The following CCDC39 variants were observed in gnomAD, a reference collection of about 807,000 sequenced individuals.
CCDC39 encodes the protein coiled-coil domain 39 molecular ruler complex subunit.
CCDC39 carries 113 observed loss-of-function variants against 121.0 expected under a neutral mutation model. The observed-to-expected ratio is 0.93, with a 90% CI of 0.80 to 1.09. The LOEUF (loss-of-function observed/expected upper bound fraction) is 1.09, where lower values mean the gene tolerates loss of function less well. Ranked by LOEUF, CCDC39 falls within the 50% of genes least tolerant of loss-of-function variation. CCDC39 has a pLI of 0.00. For synonymous variants in CCDC39, 349 were observed against 352.2 expected (o/e 0.99, Z 0.10); for missense variants, 1,063 against 1,074.7 (o/e 0.99, Z 0.15).
intron 1 of CCDC39, among the ~76,000 whole-genome samples, chr3:180,673,362 T>C (rs1181273540): frequency 6.6e-6 from 1 of 152,224 alleles, no homozygotes; most frequent in African/African-American, 2.4e-5. Context: ...TTTTTAAAAA[T>C]TGGCACAGCC....
At chr3:180,673,256 T>G (rs543139624) in intron 1 of CCDC39, among the ~76,000 whole-genome samples, 1 of 152,394 alleles carries the variant, frequency 6.6e-6, no homozygotes, top group Non-Finnish European at 1.5e-5. Flanking sequence ...AAAGTTCTAC[T>G]GTGCATACAA....
chr3:180,641,879 G>C, intron 13 of CCDC39, 114 bp downstream of exon 13: 3 of 628,646 alleles, frequency 4.8e-6, no homozygotes, highest in Non-Finnish European at 7.9e-6. Flanking sequence ...TATATGAAAA[G>C]CCATTTCGAA....
At chr3:180,632,444 T>C (rs1717722651) in intron 13 of CCDC39, among the ~76,000 whole-genome samples, 1 of 152,178 alleles carries the variant, frequency 6.6e-6, no homozygotes, top group Non-Finnish European at 1.5e-5. Flanking sequence ...TACCAGTTTT[T>C]CTACTGCTAG....
At chr3:180,663,230 T>C (rs189007407) in intron 2 of CCDC39, among the ~76,000 whole-genome samples, 67 of 152,234 alleles carry the variant, frequency 4.4e-4, no homozygotes, top group African/African-American at 1.5e-3. Flanking sequence ...CCCCAGTGAG[T>C]TGTGCTGAAA....
chr3:180,677,195 T>TATAC (rs1473095354), intron 1 of CCDC39, among the ~76,000 whole-genome samples: 2 of 103,982 alleles, frequency 1.9e-5, no homozygotes, highest in Admixed American at 2.0e-4. Context: ...TATATATATA[T>TATAC]ATATATATAT....
rs869889 is a variant in CCDC39, at chr3:180,631,177, G to A, written c.1998+292C>T. ...AGTAGAATGACCTGAACTCAAAAGA[G>A]GAAGACTTCTGGAGCAAGTTCACAG... On this transcript the variant is annotated intron_variant, in intron 14 of 19. Transcript: ENST00000476379. Among the ~76,000 whole-genome samples the A allele has an allele frequency of 0.1, 15,703 of 152,224 alleles. 1,149 individuals are homozygous for A. The highest frequency in any genetic ancestry group is 0.32 in the East Asian group (1,666 of 5,158).
chr3:180,649,718 AC>A (rs140466598), intron 9 of CCDC39, among the ~76,000 whole-genome samples: 19,889 of 152,114 alleles, frequency 0.13, 1,579 homozygotes, highest in Admixed American at 0.17. Flanking sequence ...TGCTAAAAAA[AC>A]AATCGGTACA....
chr3:180,635,184 C>T (rs1006758802), intron 13 of CCDC39, among the ~76,000 whole-genome samples: 1 of 152,154 alleles, frequency 6.6e-6, no homozygotes, highest in African/African-American at 2.4e-5. Context: ...CACTCACTCA[C>T]AAGAACAGCA....
chr3:180,623,340 G>A (rs1330422921), intron 14 of CCDC39, among the ~76,000 whole-genome samples: 1 of 151,610 alleles, frequency 6.6e-6, no homozygotes, highest in Admixed American at 6.6e-5. Flanking sequence ...TTGTTTGCTT[G>A]GATCTCTGTT....
At chr3:180,645,043 A>G (rs1718038807) in intron 11 of CCDC39, among the ~76,000 whole-genome samples, 1 of 152,182 alleles carries the variant, frequency 6.6e-6, no homozygotes, top group African/African-American at 2.4e-5. Flanking sequence ...AGCTCTTAGA[A>G]TCAGATGGCT....
intron 6 of CCDC39, among the ~76,000 whole-genome samples, chr3:180,658,607 A>G (rs950779954): frequency 7.2e-5 from 11 of 152,196 alleles, no homozygotes; most frequent in East Asian, 1.9e-4. Flanking sequence ...AAAAAAAAAA[A>G]AGAGAGAATT....
chr3:180,677,158 A>AT (rs1712241447), intron 1 of CCDC39, among the ~76,000 whole-genome samples: 1 of 103,130 alleles, frequency 9.7e-6, no homozygotes, highest in African/African-American at 4.6e-5. Context: ...TAATAATAAT[A>AT]ATAATAATTT....
chr3:180,661,147 T>C (rs1711732362), intron 3 of CCDC39, among the ~76,000 whole-genome samples: 1 of 152,036 alleles, frequency 6.6e-6, no homozygotes, highest in Non-Finnish European at 1.5e-5. Flanking sequence ...TTTCCAATCA[T>C]ATTGTTTGCC....
chr3:180,677,586 A>G (rs1395725505), intron 1 of CCDC39, among the ~76,000 whole-genome samples: 1 of 152,110 alleles, frequency 6.6e-6, no homozygotes, highest in Admixed American at 6.6e-5. Flanking sequence ...TTCTTAACTT[A>G]GAGGAATTTT....
chr3:180,670,704 C>T (rs1364663757), intron 1 of CCDC39, among the ~76,000 whole-genome samples: 1 of 143,268 alleles, frequency 7.0e-6, no homozygotes, highest in Non-Finnish European at 1.5e-5. Flanking sequence ...ATCAAAAGTG[C>T]TACTCCCTTG....
chr3:180,620,779 A>T (rs1049638830), intron 14 of CCDC39, among the ~76,000 whole-genome samples: 1 of 152,038 alleles, frequency 6.6e-6, no homozygotes, highest in African/African-American at 2.4e-5. Flanking sequence ...GATTATTTTT[A>T]TTTGTAAAAA....
In CCDC39 at chr3:180,652,150, G is replaced by C. The variant is rs1024412889; in HGVS notation, c.1034+13C>G. ...AAATAATCATAAACATATTTAGATAGTTTTTTTCTTACCTTGCTGTTTCTT... is the reference window on the plus strand; with the variant it reads ...AAATAATCATAAACATATTTAGATACTTTTTTTCTTACCTTGCTGTTTCTT... On this transcript the variant is annotated intron_variant, in intron 8 of 19. Transcript: ENST00000476379. 4 of 1,325,596 alleles carry C rather than the reference G, an allele frequency of 3.0e-6. No homozygotes were observed. Among genetic ancestry groups the C allele is most frequent in the Non-Finnish European group, 1.0e-6 (1 of 964,638 alleles). The allele number at this position is 1,325,596 out of a possible 1,614,324, so 82.1% of individuals were successfully genotyped here.
chr3:180,677,515 A>C (rs1712269987), intron 1 of CCDC39, among the ~76,000 whole-genome samples: 1 of 151,862 alleles, frequency 6.6e-6, no homozygotes, highest in African/African-American at 2.4e-5. Flanking sequence ...TTAAAATCAG[A>C]GACATTCAGT....
intron 1 of CCDC39, among the ~76,000 whole-genome samples, chr3:180,666,887 A>T (rs975318870): frequency 3.9e-5 from 6 of 152,072 alleles, no homozygotes; most frequent in African/African-American, 2.4e-5. Context: ...ACGCACACAC[A>T]CACACACAAT....
Sources: gnomAD v4.1 joint callset for allele counts (sites outside exome capture counted in the v4.1 genomes callset) on GRCh38, gnomAD v4.1.1 for gene constraint, MANE v1.5 for transcripts, NCBI Gene and HGNC (gene_info 2026-07-23, HGNC 2026-07-21) for gene names.